Variants in PTPRD observed in about 807,000 individuals in gnomAD.
The protein encoded by PTPRD is receptor-type tyrosine-protein phosphatase delta.
PTPRD carries 34 observed loss-of-function variants against 214.5 expected under a neutral mutation model. The ratio of observed to expected loss-of-function variants is 0.16; its 90% CI spans 0.12 to 0.21. PTPRD has a LOEUF of 0.21. Ranked by LOEUF, PTPRD falls within the 10% of genes least tolerant of loss-of-function variation. The probability of loss-of-function intolerance (pLI) is 1.00; values close to 1 mark genes in which losing one functional copy is unlikely to be tolerated. For missense variants in PTPRD, 2,545 were observed against 2,398.7 expected (o/e 1.06, Z -1.27); for synonymous variants, 1,128 against 845.7 (o/e 1.33, Z -5.79).
At chr9:10,423,953 T>C (rs146191248) in intron 2 of PTPRD, among the ~76,000 whole-genome samples, 79 of 152,088 alleles carry the variant, frequency 5.2e-4, no homozygotes, top group Middle Eastern at 3.4e-3. Context: ...TCTGAACCTT[T>C]CACTAAGATT....
At chr9:9,795,888 G>C (rs10977983) in intron 5 of PTPRD, among the ~76,000 whole-genome samples, 12,231 of 151,738 alleles carry the variant, frequency 0.081, 1,243 homozygotes, top group East Asian at 0.54. Flanking sequence ...AAATATACTA[G>C]AAAAAATAAA....
At chr9:8,936,069 C>G (rs1588404370) in intron 11 of PTPRD, 1 of 152,034 alleles carries the variant, frequency 6.6e-6, no homozygotes, top group Non-Finnish European at 1.5e-5. Flanking sequence ...CACATTATCT[C>G]GGATAACAGA....
Position 8,484,368 on chromosome 9 carries a change from T to G in PTPRD, c.3164A>C (p.Asp1055Ala). ...CACTTCTTCTACCATTTTCCCATCA[T>G]CATAAAGAATCTAAAGAGATAAAAC... Reference protein sequence around the residue: ...NSAMPFKILYDDGKMVEEVDG... With the variant: ...NSAMPFKILYADGKMVEEVDG... Residue 1055 changes from aspartate (D) to alanine (A), a missense_variant, in exon 30 of 46, where the codon GAT becomes GCT. Transcript: ENST00000381196. 2 of 1,613,072 alleles carry G rather than the reference T, an allele frequency of 1.2e-6. No individual in the cohort carries two copies. Among genetic ancestry groups the G allele is most frequent in the Non-Finnish European group, 1.7e-6 (2 of 1,179,434 alleles).
chr9:8,833,624 G>C (rs1002753389), intron 11 of PTPRD, among the ~76,000 whole-genome samples: 1 of 149,628 alleles, frequency 6.7e-6, no homozygotes, highest in South Asian at 2.1e-4. Context: ...TCTACTCAGT[G>C]AATGATGCAA....
At chr9:8,596,001 G>C (rs1022156037) in intron 14 of PTPRD, among the ~76,000 whole-genome samples, 9 of 152,102 alleles carry the variant, frequency 5.9e-5, no homozygotes, top group African/African-American at 1.7e-4. Context: ...ATAACAGGCT[G>C]ATCAAGGATT....
rs540707094 is a variant in PTPRD at position 8,521,550 on chromosome 9, G to T, written c.692-4C>A. The T allele has an allele frequency of 1.2e-6, 2 of 1,612,014 alleles. No individual in the cohort carries two copies. Among genetic ancestry groups the T allele is most frequent in the South Asian group, 1.1e-5 (1 of 90,950 alleles). On this transcript the variant is annotated splice_polypyrimidine_tract_variant and splice_region_variant and intron_variant, in intron 19 of 45. Coordinates refer to ENST00000381196, the MANE Select transcript of PTPRD (RefSeq NM_002839.4). ...AATCTTGGTGGGACACGGCGAACTG[G>T]AACAAAACACAAGGGAAATGATAAC...
intron 9 of PTPRD, among the ~76,000 whole-genome samples, chr9:9,347,997 A>G (rs2049544199): frequency 6.6e-6 from 1 of 152,184 alleles, no homozygotes. Context: ...AGAGTATGTC[A>G]CCAAATTTTA....
chr9:8,842,383 T>G (rs2097575781), intron 11 of PTPRD, among the ~76,000 whole-genome samples: 1 of 152,200 alleles, frequency 6.6e-6, no homozygotes, highest in African/African-American at 2.4e-5. Flanking sequence ...TATATTACTT[T>G]TATGGCTTTG....
At chr9:8,824,933 G>C (rs2154527874) in intron 11 of PTPRD, among the ~76,000 whole-genome samples, 1 of 152,278 alleles carries the variant, frequency 6.6e-6, no homozygotes, top group East Asian at 1.9e-4. Flanking sequence ...TGGTAAGACT[G>C]ATTTGCTTTA....
intron 5 of PTPRD, among the ~76,000 whole-genome samples, chr9:9,784,002 T>C (rs1184302814): frequency 6.6e-6 from 1 of 152,026 alleles, no homozygotes; most frequent in Non-Finnish European, 1.5e-5. Context: ...TGAGTCATGA[T>C]AAAGCTGAAC....
chr9:10,323,858 C>T (rs899477583), intron 3 of PTPRD, among the ~76,000 whole-genome samples: 4 of 151,788 alleles, frequency 2.6e-5, no homozygotes, highest in African/African-American at 7.3e-5. Context: ...TACAAGTGAT[C>T]AGAACAGCTA....
intron 26 of PTPRD, 35 bp downstream of exon 26, chr9:8,497,207 G>A (rs1291543820): frequency 1.7e-5 from 26 of 1,552,574 alleles, no homozygotes; most frequent in Non-Finnish European, 2.2e-5. Flanking sequence ...AGCATATATA[G>A]TCTGCTTTTG....
intron 12 of PTPRD, 68 bp from the exon 13 acceptor site, chr9:8,636,912 T>C (rs981769135): frequency 1.1e-5 from 17 of 1,511,046 alleles, no homozygotes; most frequent in Non-Finnish European, 1.5e-5. Context: ...CTACTACCGC[T>C]GCTCTCCCCA....
intron 3 of PTPRD, among the ~76,000 whole-genome samples, chr9:10,181,942 TAAAA>T (rs3075573): frequency 7.8e-5 from 3 of 38,512 alleles, no homozygotes; most frequent in African/African-American, 2.5e-4. Flanking sequence ...TCATAAATAC[TAAAA>T]AAAAAAAAAA....
At chr9:8,387,663 T>G (rs1048564110) in intron 37 of PTPRD, among the ~76,000 whole-genome samples, 1 of 152,174 alleles carries the variant, frequency 6.6e-6, no homozygotes, top group African/African-American at 2.4e-5. Context: ...GGAGCCAGAC[T>G]GTCTGTCTTC....
At chr9:10,370,384 C>CTGTGAA (rs917595490) in intron 2 of PTPRD, among the ~76,000 whole-genome samples, 1 of 151,978 alleles carries the variant, frequency 6.6e-6, no homozygotes, top group African/African-American at 2.4e-5. Context: ...GACACTAACG[C>CTGTGAA]TGTGAAATAT....
At position 9,819,669 on chromosome 9, in the gene PTPRD, T is replaced by C. The variant is rs948125270; in HGVS notation, c.-367-52818A>G. ...TTCATCCCTTGTCCCCCTCCCTCTT[T>C]CCCTCTTCTAGTAGTCCCCAGATTC... On this transcript the variant is annotated intron_variant, in intron 5 of 45. Coordinates refer to ENST00000381196, the MANE Select transcript of PTPRD (RefSeq NM_002839.4). Among the ~76,000 whole-genome samples, 4 of 152,138 alleles carry C rather than the reference T, an allele frequency of 2.6e-5. No homozygotes were observed. In the South Asian group the frequency reaches 8.3e-4, roughly 32 times the overall value.
chr9:9,771,636 C>T (rs2098752632), intron 5 of PTPRD, among the ~76,000 whole-genome samples: 1 of 152,146 alleles, frequency 6.6e-6, no homozygotes, highest in Admixed American at 6.5e-5. Context: ...CTTGGAGGAA[C>T]TTTTAACTTC....
At chr9:9,059,075 T>C (rs114407791) in intron 10 of PTPRD, among the ~76,000 whole-genome samples, 3,659 of 151,954 alleles carry the variant, frequency 0.024, 135 homozygotes, top group African/African-American at 0.083. Flanking sequence ...GCTCAAGAAC[T>C]GAAAGTTTGG....
Sources: allele counts gnomAD v4.1 joint callset (sites outside exome capture counted in the v4.1 genomes callset), GRCh38; gene constraint gnomAD v4.1.1; transcripts MANE v1.5; gene names NCBI Gene and HGNC (gene_info 2026-07-23, HGNC 2026-07-21).